Variants in RELN observed in about 807,000 individuals in gnomAD.
The protein encoded by RELN is reelin.
Under a neutral mutation model 427.6 loss-of-function variants are expected in RELN, and 108 were observed. The ratio of observed to expected loss-of-function variants is 0.25; its 90% confidence interval spans 0.22 to 0.30. The LOEUF is 0.30. Ranked by LOEUF, RELN falls within the 10% of genes least tolerant of loss-of-function variation. RELN has a pLI of 1.00. For synonymous variants in RELN, 1,524 were observed against 1,513.4 expected, an observed-to-expected ratio of 1.01 and a Z score of -0.16; for missense variants, 3,715 against 4,302.8, an observed-to-expected ratio of 0.86 and a Z score of 3.82.
chr7:103,546,176 A>C (rs1584282489), intron 41 of RELN, among the ~76,000 whole-genome samples: 2 of 152,196 alleles, frequency 1.3e-5, no homozygotes, highest in South Asian at 4.1e-4. Context: ...GACAACTGAC[A>C]ACCACCAATC....
At chr7:103,703,185 C>T (rs1834129895) in intron 8 of RELN, among the ~76,000 whole-genome samples, 1 of 152,156 alleles carries the variant, frequency 6.6e-6, no homozygotes, top group South Asian at 2.1e-4. Flanking sequence ...CAAGAGAGCG[C>T]TCAGCTTTGG....
At chr7:103,648,577 C>G (rs1832844656) in intron 16 of RELN, among the ~76,000 whole-genome samples, 1 of 151,966 alleles carries the variant, frequency 6.6e-6, no homozygotes, top group Admixed American at 6.6e-5. Context: ...AAAACAAAAA[C>G]AAAAAGACAA....
At chr7:103,832,143 C>T (rs565468831) in intron 3 of RELN, among the ~76,000 whole-genome samples, 47 of 152,256 alleles carry the variant, frequency 3.1e-4, no homozygotes, top group African/African-American at 1.0e-3. Flanking sequence ...AGACACTGAA[C>T]TGTTTGTCAT....
intron 11 of RELN, among the ~76,000 whole-genome samples, chr7:103,666,061 TTTTA>T (rs745465046): frequency 9.9e-5 from 15 of 152,016 alleles, no homozygotes; most frequent in Admixed American, 6.6e-4. Flanking sequence ...TTTTTTTATT[TTTTA>T]TTTATTTATT....
chr7:103,850,443 T>C lies in RELN; in HGVS notation c.338-16771A>G, dbSNP rs181545764. On this transcript the variant is annotated intron_variant, in intron 2 of 64. Coordinates refer to ENST00000428762, the MANE Select transcript of RELN (RefSeq NM_005045.4). ...GGTAGGGGAAGCAGCAGAAAAGCCCTGGGAGCTCGCTGGGTTGCCAGGCGG... is the reference window on the plus strand; with the variant it reads ...GGTAGGGGAAGCAGCAGAAAAGCCCCGGGAGCTCGCTGGGTTGCCAGGCGG... 5.6e-3 allele frequency among the ~76,000 whole-genome samples: 853 copies of C among 152,284 alleles called. 12 individuals are homozygous for C. The highest frequency in any genetic ancestry group is 0.02 in the African/African-American group (822 of 41,558).
intron 1 of RELN, among the ~76,000 whole-genome samples, chr7:103,919,965 C>T (rs1038951693): frequency 1.3e-5 from 2 of 152,098 alleles, no homozygotes; most frequent in Non-Finnish European, 2.9e-5. Context: ...CCAATTTGGC[C>T]CATTGATGAA....
In RELN at chr7:103,824,739, C is replaced by A. The variant is rs1477155710; in HGVS notation, c.473+8798G>T. ...GGGAAGAATTTCTGCTATGCCAGTT[C>A]AGTCTTCCATGATGCCAGAAATCCT... On this transcript the variant is annotated intron_variant, in intron 3 of 64. Coordinates refer to ENST00000428762, the MANE Select transcript of RELN (RefSeq NM_005045.4). This position sits in a 1 kb window ranked among gnomAD's most constrained non-coding sequence, Gnocchi z 4.4. 1.3e-5 allele frequency among the ~76,000 whole-genome samples: 2 copies of A among 150,512 alleles called. No individual in the cohort carries two copies. Among genetic ancestry groups the A allele is most frequent in the Non-Finnish European group, 2.9e-5 (2 of 67,802 alleles).
At chr7:103,643,199 A>G (rs192227087) in intron 16 of RELN, among the ~76,000 whole-genome samples, 1 of 152,176 alleles carries the variant, frequency 6.6e-6, no homozygotes, top group East Asian at 1.9e-4. Context: ...CATTTTCTCC[A>G]TTTTATAAAA....
At chr7:103,765,733 G>C (rs893184898) in intron 4 of RELN, among the ~76,000 whole-genome samples, 2 of 152,144 alleles carry the variant, frequency 1.3e-5, no homozygotes, top group Non-Finnish European at 2.9e-5. Context: ...TTATATAGCA[G>C]CATGTGTAGA....
intron 3 of RELN, among the ~76,000 whole-genome samples, chr7:103,796,875 C>CAAAAAAAAAAAAAAAAAAAA: frequency 1.5e-5 from 1 of 67,224 alleles, no homozygotes; most frequent in Non-Finnish European, 2.8e-5. Context: ...CTCCATCTCA[C>CAAAAAAAAAAAAAAAAAAAA]AAAAAAAAAA....
At chr7:103,756,957 G>C (rs694894) in intron 4 of RELN, among the ~76,000 whole-genome samples, 1 of 151,956 alleles carries the variant, frequency 6.6e-6, no homozygotes, top group African/African-American at 2.4e-5. Flanking sequence ...ATCATTTCTC[G>C]ATAAATGACC....
At chr7:103,622,710 C>T (rs1169538502) in intron 20 of RELN, among the ~76,000 whole-genome samples, 2 of 152,136 alleles carry the variant, frequency 1.3e-5, no homozygotes, top group Non-Finnish European at 2.9e-5. Context: ...AGGGGGCTTC[C>T]CTAACCCTCT....
rs1794803009 is a variant in RELN, at chr7:103,889,674, G to GA, written c.337+27400dup. ...TTGAGAAAGGGGGGCAGGGCAGGCA[G>GA]AGACACTGAAACTACAAAGGGGTTT... On this transcript the variant is annotated intron_variant, in intron 2 of 64. Transcript: ENST00000428762. Among the ~76,000 whole-genome samples the GA allele has an allele frequency of 2.0e-5, 3 of 152,250 alleles. No homozygotes were observed. In the South Asian group the frequency reaches 6.2e-4, roughly 32 times the overall value.
chr7:103,545,151 G>A lies in RELN; in HGVS notation c.6496C>T (p.Pro2166Ser). 6.2e-7 allele frequency: 1 copy of A among 1,613,868 alleles called. No individual in the cohort carries two copies. Among genetic ancestry groups the A allele is most frequent in the South Asian group, 1.1e-5 (1 of 91,060 alleles). The change falls in exon 42 of 65, where the codon CCT (proline) becomes TCT (serine). Residue 2166 changes from proline (P) to serine (S), a missense_variant. This residue lies in a region of RELN where 1,310 missense variants were observed against 1,643.0 expected (regional missense o/e 0.80). Transcript: ENST00000428762. ...GPTCKISTKN[P>S]DFLKDDFEGQ... is the part of the protein sequence containing the mutation. ...TCGAAATCATCTTTGAGAAAATCAGGATTTTTGGTGCTTATTTTACAGGTT... is the reference window on the plus strand; with the variant it reads ...TCGAAATCATCTTTGAGAAAATCAGAATTTTTGGTGCTTATTTTACAGGTT...
intron 45 of RELN, 63 bp from the exon 46 acceptor site, chr7:103,535,547 T>C: frequency 6.9e-7 from 1 of 1,450,764 alleles, no homozygotes; most frequent in Non-Finnish European, 9.7e-7. Context: ...ACCATAATTG[T>C]TTATCACATT....
intron 61 of RELN, 95 bp from the exon 62 acceptor site, chr7:103,483,945 T>A: frequency 8.0e-7 from 1 of 1,250,476 alleles, no homozygotes; most frequent in Non-Finnish European, 1.1e-6. Flanking sequence ...AGTGGTGTGA[T>A]CTCGGCTCAC....
chr7:103,842,619 G>A (rs1037388766), intron 2 of RELN, among the ~76,000 whole-genome samples: 19 of 152,118 alleles, frequency 1.2e-4, no homozygotes, highest in East Asian at 1.9e-4. Context: ...TGAATAGTAC[G>A]TGCACACACA....
At chr7:103,684,197 G>A (rs771865777) in intron 10 of RELN, among the ~76,000 whole-genome samples, 8 of 152,170 alleles carry the variant, frequency 5.3e-5, no homozygotes, top group South Asian at 2.1e-4. Flanking sequence ...CTTAGCCAGC[G>A]TAGGGGGCCA....
intron 1 of RELN, among the ~76,000 whole-genome samples, chr7:103,959,668 T>C (rs370783632): frequency 5.9e-5 from 9 of 152,150 alleles, no homozygotes; most frequent in African/African-American, 2.2e-4. Context: ...TGGAGTGCAG[T>C]AGTGTGATCA....
Sources: gnomAD v4.1 joint callset for allele counts (sites outside exome capture counted in the v4.1 genomes callset) on GRCh38, gnomAD v4.1.1 for gene constraint, gnomAD v4.1.1 regional missense constraint, Gnocchi (gnomAD v3.1) non-coding constraint, MANE v1.5 for transcripts, NCBI Gene and HGNC (gene_info 2026-07-23, HGNC 2026-07-21) for gene names.